Variants in LUZP2 observed in about 807,000 individuals in gnomAD.
The protein encoded by LUZP2 is leucine zipper protein 2.
A neutral mutation model predicts 51.6 loss-of-function variants in LUZP2; 52 were observed. That is an observed-to-expected ratio of 1.01 (90% CI 0.81 to 1.27). The LOEUF is 1.27. Among genes scored for constraint, LUZP2 ranks in the 50% most tolerant of loss-of-function variants. LUZP2 has a pLI of 0.00. For missense variants in LUZP2, 436 were observed against 395.4 expected, an observed-to-expected ratio of 1.10 and a Z score of -0.87; for synonymous variants, 154 against 137.3, an observed-to-expected ratio of 1.12 and a Z score of -0.85.
At chr11:24,751,519 C>T (rs1181811511) in intron 4 of LUZP2, 1 of 911,766 alleles carries the variant, frequency 1.1e-6, no homozygotes, top group Non-Finnish European at 1.3e-6. Flanking sequence ...TACAAAAGCC[C>T]TGCTAGAATG....
At chr11:24,714,866 A>G (rs1409394568) in intron 1 of LUZP2, among the ~76,000 whole-genome samples, 1 of 152,194 alleles carries the variant, frequency 6.6e-6, no homozygotes, top group African/African-American at 2.4e-5. Flanking sequence ...TCTCCACCAG[A>G]GAGACTGACA....
At chr11:24,907,292 A>G (rs1242619428) in intron 6 of LUZP2, among the ~76,000 whole-genome samples, 1 of 135,924 alleles carries the variant, frequency 7.4e-6, no homozygotes, top group Non-Finnish European at 1.6e-5. Flanking sequence ...AATCATTAAC[A>G]CAAATACAAA....
chr11:24,603,249 C>G (rs971033002), intron 1 of LUZP2, among the ~76,000 whole-genome samples: 1 of 151,712 alleles, frequency 6.6e-6, no homozygotes, highest in Non-Finnish European at 1.5e-5. Flanking sequence ...GATTTTCCAT[C>G]CTGCCGTTGC....
intron 5 of LUZP2, chr11:24,785,835 A>G (rs1427542769): frequency 3.0e-6 from 3 of 984,426 alleles, no homozygotes; most frequent in Non-Finnish European, 3.6e-6. Context: ...CCAGGCTTCA[A>G]GAGGCTATGC....
chr11:24,835,913 GTTA>G (rs552783618), intron 5 of LUZP2, among the ~76,000 whole-genome samples: 2 of 151,962 alleles, frequency 1.3e-5, no homozygotes, highest in Non-Finnish European at 2.9e-5. Context: ...AGTTTCATGA[GTTA>G]TTAAGAAACT....
chr11:24,963,691 G>T (rs976439584), intron 7 of LUZP2, among the ~76,000 whole-genome samples: 2 of 151,344 alleles, frequency 1.3e-5, no homozygotes, highest in Non-Finnish European at 2.9e-5. Flanking sequence ...GACTAGGAAA[G>T]GGAACTCCTT....
intron 7 of LUZP2, among the ~76,000 whole-genome samples, chr11:24,935,571 C>G (rs993986719): frequency 6.6e-6 from 1 of 152,030 alleles, no homozygotes; most frequent in Non-Finnish European, 1.5e-5. Flanking sequence ...AATTACTTCT[C>G]AGGGATTTAC....
intron 7 of LUZP2, among the ~76,000 whole-genome samples, chr11:24,916,482 C>G (rs965408119): frequency 6.6e-6 from 1 of 151,960 alleles, no homozygotes; most frequent in African/African-American, 2.4e-5. Context: ...TATCCCTCCC[C>G]CCTCCTGCCA....
intron 8 of LUZP2, among the ~76,000 whole-genome samples, chr11:24,979,348 A>G (rs1440746241): frequency 6.6e-6 from 1 of 151,772 alleles, no homozygotes; most frequent in South Asian, 2.1e-4. Flanking sequence ...TTCATAAACT[A>G]TAGCCATAAA....
intron 5 of LUZP2, among the ~76,000 whole-genome samples, chr11:24,792,228 A>G (rs1416472451): frequency 2.6e-5 from 4 of 151,900 alleles, no homozygotes; most frequent in Non-Finnish European, 4.4e-5. Flanking sequence ...GGAAATTGAG[A>G]CCATCCTGCC....
intron 4 of LUZP2, chr11:24,751,444 C>T (rs1252016858): frequency 4.1e-6 from 1 of 246,560 alleles, no homozygotes; most frequent in South Asian, 1.5e-4. Context: ...CCTTCTGTCC[C>T]TTCCCCTTAG....
chr11:25,044,887 T>C (rs1858245023), intron 9 of LUZP2, among the ~76,000 whole-genome samples: 1 of 151,594 alleles, frequency 6.6e-6, no homozygotes, highest in Non-Finnish European at 1.5e-5. Context: ...CCATGAAAAA[T>C]GATAAGATCA....
intron 5 of LUZP2, among the ~76,000 whole-genome samples, chr11:24,838,863 G>C (rs1004548461): frequency 6.6e-6 from 1 of 151,454 alleles, no homozygotes; most frequent in South Asian, 2.1e-4. Flanking sequence ...ACATACTCAG[G>C]CATTTTGAAG....
At chr11:24,932,316 G>A (rs2133835799) in intron 7 of LUZP2, among the ~76,000 whole-genome samples, 1 of 152,262 alleles carries the variant, frequency 6.6e-6, no homozygotes, top group African/African-American at 2.4e-5. Context: ...AGGGTCTCCT[G>A]GAGAATATTC....
intron 10 of LUZP2, among the ~76,000 whole-genome samples, chr11:25,055,247 G>A (rs961353788): frequency 5.3e-5 from 8 of 151,896 alleles, no homozygotes; most frequent in African/African-American, 1.9e-4. Context: ...TTGACCTTGT[G>A]ATCCACCCGC....
Position 24,837,921 on chromosome 11 carries a change from A to G in LUZP2, c.397-68070A>G, listed in dbSNP as rs1850906641. ...TAGAAACCTGACTTCTCCCAGATAA[A>G]CAAACTAGATTTCACAAATGGTTGC... On this transcript the variant is annotated intron_variant, in intron 5 of 11. Coordinates refer to ENST00000336930, the MANE Select transcript of LUZP2 (RefSeq NM_001009909.4). Among the ~76,000 whole-genome samples the G allele has an allele frequency of 2.0e-5, 3 of 151,810 alleles. No individual in the cohort carries two copies. In the South Asian group the frequency reaches 6.2e-4, roughly 31 times the overall value.
intron 9 of LUZP2, among the ~76,000 whole-genome samples, chr11:25,030,160 A>G (rs1857604145): frequency 6.6e-6 from 1 of 152,168 alleles, no homozygotes; most frequent in Non-Finnish European, 1.5e-5. Context: ...TTTAAGAAAT[A>G]TGGCTAGTAT....
At chr11:24,933,119 G>T (rs933989606) in intron 7 of LUZP2, among the ~76,000 whole-genome samples, 5 of 152,198 alleles carry the variant, frequency 3.3e-5, no homozygotes, top group African/African-American at 9.7e-5. Context: ...GTGTTCAGGG[G>T]TGCACAATCC....
chr11:24,998,143 C>A (rs960444989), intron 9 of LUZP2, among the ~76,000 whole-genome samples: 1 of 152,032 alleles, frequency 6.6e-6, no homozygotes, highest in African/African-American at 2.4e-5. Context: ...GTAGTTTTTT[C>A]CAATTCTGTG....
Sources: gnomAD v4.1 joint callset for allele counts (sites outside exome capture counted in the v4.1 genomes callset) on GRCh38, gnomAD v4.1.1 for gene constraint, MANE v1.5 for transcripts, NCBI Gene and HGNC (gene_info 2026-07-23, HGNC 2026-07-21) for gene names.